ZBTB2: variants seen among roughly 807,000 people sequenced by gnomAD.
ZBTB2 encodes the protein zinc finger and BTB domain containing 2.
A neutral mutation model predicts 39.5 loss-of-function variants in ZBTB2; 2 were observed. The ratio of observed to expected loss-of-function variants is 0.05; its 90% CI spans 0.02 to 0.16. The LOEUF is 0.16. Among genes scored for constraint, ZBTB2 ranks in the 10% least tolerant of loss-of-function variants. The pLI, the probability that ZBTB2 is intolerant of heterozygous loss-of-function variation, is 1.00. For synonymous variants in ZBTB2, 251 were observed against 256.6 expected (o/e 0.98, Z 0.21); for missense variants, 391 against 653.0 (o/e 0.60, Z 4.37).
intron 1 of ZBTB2, among the ~76,000 whole-genome samples, chr6:151,384,213 C>A (rs1348176434): frequency 6.6e-6 from 1 of 152,120 alleles, no homozygotes; most frequent in Non-Finnish European, 1.5e-5. Context: ...GGGTAGAGAG[C>A]CAGAGAATAA....
intron 1 of ZBTB2, among the ~76,000 whole-genome samples, chr6:151,388,218 A>G (rs1278901923): frequency 6.6e-6 from 1 of 152,230 alleles, no homozygotes; most frequent in Non-Finnish European, 1.5e-5. Context: ...AAAAATTACC[A>G]GCAAACCAGT....
chr6:151,383,580 C>T (rs1175582044), intron 1 of ZBTB2, among the ~76,000 whole-genome samples: 3 of 152,170 alleles, frequency 2.0e-5, no homozygotes, highest in South Asian at 2.1e-4. Context: ...TGATTTGGCT[C>T]CTGACAGCGT....
At chr6:151,377,749 C>G (rs770063332) in intron 1 of ZBTB2, among the ~76,000 whole-genome samples, 1 of 151,952 alleles carries the variant, frequency 6.6e-6, no homozygotes. Flanking sequence ...TTAGCCAGGA[C>G]AGTCTTGATC....
intron 1 of ZBTB2, among the ~76,000 whole-genome samples, chr6:151,380,551 A>C (rs1779010385): frequency 6.6e-6 from 1 of 150,424 alleles, no homozygotes; most frequent in Non-Finnish European, 1.5e-5. Flanking sequence ...TGCTCTTCCC[A>C]CCTCCAGGCC....
At chr6:151,382,629 T>C (rs1046993796) in intron 1 of ZBTB2, among the ~76,000 whole-genome samples, 4 of 151,564 alleles carry the variant, frequency 2.6e-5, no homozygotes, top group African/African-American at 9.7e-5. Flanking sequence ...CTTGGCTCAC[T>C]GCATCCTCCA....
chr6:151,385,152 A>G (rs540165117), intron 1 of ZBTB2, among the ~76,000 whole-genome samples: 14 of 152,192 alleles, frequency 9.2e-5, no homozygotes, highest in Non-Finnish European at 1.6e-4. Context: ...AGTGCCTATA[A>G]ATGGGTTTTC....
At chr6:151,385,820 C>T (rs1001769666) in intron 1 of ZBTB2, among the ~76,000 whole-genome samples, 1 of 152,052 alleles carries the variant, frequency 6.6e-6, no homozygotes, top group African/African-American at 2.4e-5. Context: ...ATGAAGTAAA[C>T]CTGAAGGCTG....
At position 151,366,470 on chromosome 6, in the gene ZBTB2, T is replaced by C; in HGVS notation, c.596A>G (p.Gln199Arg). Residue 199 changes from glutamine (Q) to arginine (R), a missense_variant, in exon 3 of 3, where the codon CAG (glutamine) becomes CGG (arginine). Physicochemically the swap from Gln to Arg is conservative, Grantham distance 43 (BLOSUM62 1). Transcript: ENST00000325144. The surrounding 1 kb of genome is among the most constrained non-coding windows in gnomAD (Gnocchi z 7.1). The part of the protein sequence containing the change: ...RTNMTPSDPL[Q>R]TSLSPELVST... ...AACAAGTTCTGGAGACAGCGAGGTC[T>C]GCAGGGGGTCTGAGGGAGTCATATT... The C allele has an allele frequency of 6.2e-7, 1 of 1,614,088 alleles. No individual in the cohort carries two copies. Among genetic ancestry groups the C allele is most frequent in the Non-Finnish European group, 8.5e-7 (1 of 1,180,014 alleles).
chr6:151,388,440 T>C (rs748637965), intron 1 of ZBTB2, among the ~76,000 whole-genome samples: 3 of 152,222 alleles, frequency 2.0e-5, no homozygotes, highest in East Asian at 1.9e-4. Flanking sequence ...AAGTCTCAAA[T>C]TGGGGAAAGC....
chr6:151,371,281 C>G (rs1336868772), intron 2 of ZBTB2, among the ~76,000 whole-genome samples: 1 of 152,172 alleles, frequency 6.6e-6, no homozygotes, highest in Non-Finnish European at 1.5e-5. Flanking sequence ...TTGTAAAACC[C>G]AGTCCCTGCC....
intron 2 of ZBTB2, among the ~76,000 whole-genome samples, chr6:151,373,192 T>A (rs543597624): frequency 0.014 from 922 of 66,918 alleles, 11 homozygotes; most frequent in Middle Eastern, 0.077. Context: ...AAAAAAAAAA[T>A]GGACCTGATT....
chr6:151,384,429 T>C (rs1373538337), intron 1 of ZBTB2, among the ~76,000 whole-genome samples: 2 of 152,154 alleles, frequency 1.3e-5, no homozygotes, highest in Non-Finnish European at 2.9e-5. Flanking sequence ...CAACTGCTAG[T>C]GGTCTACAAA....
intron 1 of ZBTB2, among the ~76,000 whole-genome samples, chr6:151,388,772 G>A (rs1394125003): frequency 1.3e-5 from 2 of 152,230 alleles, no homozygotes; most frequent in Admixed American, 6.5e-5. Context: ...AGGTGTCACC[G>A]TGGCAGCTTT....
intron 1 of ZBTB2, among the ~76,000 whole-genome samples, chr6:151,382,811 T>C (rs1364579451): frequency 6.6e-6 from 1 of 151,984 alleles, no homozygotes; most frequent in African/African-American, 2.4e-5. Context: ...CCGCTCGGCC[T>C]CCCAAAGTGC....
At chr6:151,388,691 A>C (rs567404657) in intron 1 of ZBTB2, among the ~76,000 whole-genome samples, 28 of 152,244 alleles carry the variant, frequency 1.8e-4, no homozygotes, top group Admixed American at 9.8e-4. Context: ...CTATTATTTT[A>C]TATTATCTTA....
At chr6:151,389,703 G>A (rs1779240351) in intron 1 of ZBTB2, among the ~76,000 whole-genome samples, 1 of 152,182 alleles carries the variant, frequency 6.6e-6, no homozygotes, top group African/African-American at 2.4e-5. Context: ...CAATGCAGCT[G>A]GGGGAGGCGG....
chr6:151,371,933 C>T (rs12190712), intron 2 of ZBTB2, among the ~76,000 whole-genome samples: 12,532 of 152,164 alleles, frequency 0.082, 572 homozygotes, highest in Middle Eastern at 0.26. Flanking sequence ...GGAGGAACTT[C>T]GGAGAAGGCC....
At chr6:151,382,701 G>A (rs1011705057) in intron 1 of ZBTB2, among the ~76,000 whole-genome samples, 8 of 151,682 alleles carry the variant, frequency 5.3e-5, no homozygotes, top group Non-Finnish European at 7.4e-5. Context: ...GATTACAGGC[G>A]CCTGCCACCA....
At position 151,367,071 on chromosome 6, in the gene ZBTB2, T is replaced by C. The variant is rs902800302; in HGVS notation, c.174-179A>G. 1.3e-5 allele frequency among the ~76,000 whole-genome samples: 2 copies of C among 152,072 alleles called. 1 individual carries two copies. The highest frequency in any genetic ancestry group is 4.1e-4 in the South Asian group (2 of 4,834). ...AGAGACGAAGTTCACGTTAAAGAAA[T>C]GTGATATCTTAATCCACAGATTCTT... On this transcript the variant is annotated intron_variant, in intron 2 of 2. Transcript: ENST00000325144.
Sources: allele counts gnomAD v4.1 joint callset (sites outside exome capture counted in the v4.1 genomes callset), GRCh38; gene constraint gnomAD v4.1.1; non-coding constraint Gnocchi (gnomAD v3.1); transcripts MANE v1.5; gene names NCBI Gene and HGNC (gene_info 2026-07-23, HGNC 2026-07-21).